The following RBPJ variants were observed in gnomAD, a reference collection of about 807,000 sequenced individuals.
The protein encoded by RBPJ is recombination signal binding protein for immunoglobulin kappa J region.
Under a neutral mutation model 67.8 loss-of-function variants are expected in RBPJ, and 9 were observed. The observed-to-expected ratio is 0.13, with a 90% CI of 0.08 to 0.23. RBPJ has a LOEUF of 0.23. RBPJ is among the 10% of genes least tolerant of loss of function. The probability of loss-of-function intolerance (pLI) is 1.00; values close to 1 mark genes in which losing one functional copy is unlikely to be tolerated. For synonymous variants in RBPJ, 198 were observed against 203.3 expected, an observed-to-expected ratio of 0.97 and a Z score of 0.22; for missense variants, 305 against 595.6, an observed-to-expected ratio of 0.51 and a Z score of 5.08.
At chr4:26,128,038 C>T in the RBPJ span, among the ~76,000 whole-genome samples, 1 of 152,200 alleles carries the variant, frequency 6.6e-6, no homozygotes, top group Non-Finnish European at 1.5e-5. Flanking sequence ...AGGATCCCTG[C>T]AAGAGATGGC....
chr4:26,257,028 A>T (rs980397146), intron 1 of RBPJ, among the ~76,000 whole-genome samples: 33 of 152,306 alleles, frequency 2.2e-4, no homozygotes, highest in African/African-American at 7.0e-4. Context: ...ATACAAAACG[A>T]TCAGTCCATT....
chr4:26,237,667 C>A (rs1053123520), intron 1 of RBPJ, among the ~76,000 whole-genome samples: 5 of 152,170 alleles, frequency 3.3e-5, no homozygotes, highest in African/African-American at 1.2e-4. Context: ...CTTACTAGAG[C>A]CATGATCACG....
At chr4:26,233,248 GA>G (rs1560221470) in intron 1 of RBPJ, among the ~76,000 whole-genome samples, 8 of 152,152 alleles carry the variant, frequency 5.3e-5, no homozygotes, top group African/African-American at 1.2e-4. Context: ...TACTGGGGGG[GA>G]AAACTATAAA....
intron 1 of RBPJ, among the ~76,000 whole-genome samples, chr4:26,302,057 T>A (rs1722095495): frequency 6.6e-6 from 1 of 152,232 alleles, no homozygotes; most frequent in Non-Finnish European, 1.5e-5. Flanking sequence ...CCTCCCAAAG[T>A]GCTGAGATTA....
chr4:26,192,287 G>T (rs1717593706), intron 1 of RBPJ, among the ~76,000 whole-genome samples: 1 of 152,200 alleles, frequency 6.6e-6, no homozygotes, highest in African/African-American at 2.4e-5. Context: ...GATTACAGGT[G>T]TGAGCCACTG....
intron 1 of RBPJ, among the ~76,000 whole-genome samples, chr4:26,232,739 A>G (rs1022002949): frequency 6.6e-6 from 1 of 152,206 alleles, no homozygotes; most frequent in African/African-American, 2.4e-5. Context: ...GAGTTCAAGT[A>G]TGTGGTCCCT....
chr4:26,207,581 GAC>G (rs1194517078), intron 1 of RBPJ, among the ~76,000 whole-genome samples: 1 of 152,178 alleles, frequency 6.6e-6, no homozygotes, highest in Non-Finnish European at 1.5e-5. Flanking sequence ...ATTTGTTCTG[GAC>G]ACAGACGTGT....
intron 1 of RBPJ, among the ~76,000 whole-genome samples, chr4:26,358,687 G>T (rs1727678539): frequency 6.6e-6 from 1 of 151,762 alleles, no homozygotes; most frequent in Non-Finnish European, 1.5e-5. Flanking sequence ...GGAGGCTGAG[G>T]CATGAGGATT....
At chr4:26,210,199 C>A (rs1212619437) in intron 1 of RBPJ, among the ~76,000 whole-genome samples, 1 of 152,072 alleles carries the variant, frequency 6.6e-6, no homozygotes, top group African/African-American at 2.4e-5. Flanking sequence ...AACACAGATC[C>A]AAGAGTTTGA....
At chr4:26,277,526 C>T (rs1721123822) in intron 1 of RBPJ, among the ~76,000 whole-genome samples, 2 of 152,234 alleles carry the variant, frequency 1.3e-5, no homozygotes, top group African/African-American at 4.8e-5. Flanking sequence ...GGTGAGTTAT[C>T]CTGGGGAGTT....
intron 1 of RBPJ, among the ~76,000 whole-genome samples, chr4:26,164,627 CAGT>C (rs1452096741): frequency 6.6e-6 from 1 of 152,174 alleles, no homozygotes; most frequent in African/African-American, 2.4e-5. Flanking sequence ...TACTTGGATG[CAGT>C]TGTGATCAAT....
At chr4:26,111,939 G>T in the RBPJ span, 1 of 215,094 alleles carries the variant, frequency 4.6e-6, no homozygotes. Flanking sequence ...GGTATCTGCT[G>T]GATCCTGCTC....
intron 1 of RBPJ, among the ~76,000 whole-genome samples, chr4:26,210,441 A>C (rs73245729): frequency 0.16 from 24,854 of 152,236 alleles, 2,288 homozygotes; most frequent in Middle Eastern, 0.26. Context: ...AGAGCAGCAG[A>C]GGGCAATCGC....
chr4:26,282,752 C>T (rs1194799928), intron 1 of RBPJ, among the ~76,000 whole-genome samples: 1 of 151,902 alleles, frequency 6.6e-6, no homozygotes, highest in East Asian at 1.9e-4. Flanking sequence ...TACTCCTGAC[C>T]TCAGGTGATC....
chr4:26,145,666 G>A, the RBPJ span, among the ~76,000 whole-genome samples: 1 of 152,152 alleles, frequency 6.6e-6, no homozygotes, highest in Non-Finnish European at 1.5e-5. Flanking sequence ...ATACGGAGGA[G>A]GTTTTGGTAA....
intron 1 of RBPJ, among the ~76,000 whole-genome samples, chr4:26,224,009 AG>A (rs575208668): frequency 1.6e-4 from 24 of 152,366 alleles, no homozygotes; most frequent in Non-Finnish European, 2.4e-4. Flanking sequence ...TGAGAACACA[AG>A]ATTAATAGCT....
At chr4:26,306,000 G>A (rs938827870) in intron 1 of RBPJ, among the ~76,000 whole-genome samples, 51 of 141,000 alleles carry the variant, frequency 3.6e-4, no homozygotes, top group Non-Finnish European at 6.7e-4. Flanking sequence ...TAGCCAGGCT[G>A]GTCTCGAACT....
upstream of RBPJ, chr4:26,319,747 C>G: frequency 1.1e-6 from 1 of 933,726 alleles, no homozygotes. Context: ...GCGGGCCGCG[C>G]CAATCCTGCA....
At chr4:26,231,323 C>A (rs1252871080) in intron 1 of RBPJ, among the ~76,000 whole-genome samples, 1 of 152,042 alleles carries the variant, frequency 6.6e-6, no homozygotes, top group Non-Finnish European at 1.5e-5. Flanking sequence ...GATGACTAAT[C>A]AGTTCAACCC....
Sources: allele counts gnomAD v4.1 joint callset (sites outside exome capture counted in the v4.1 genomes callset), GRCh38; gene constraint gnomAD v4.1.1; transcripts MANE v1.5; gene names NCBI Gene and HGNC (gene_info 2026-07-23, HGNC 2026-07-21).